The following COL6A5 variants were observed in gnomAD, a reference collection of about 807,000 sequenced individuals.
COL6A5 encodes the protein collagen alpha-5(VI) chain.
Under a neutral mutation model 65.6 loss-of-function variants are expected in COL6A5, and 48 were observed. That is an observed-to-expected ratio of 0.73 (90% confidence interval 0.58 to 0.93). The LOEUF (loss-of-function observed/expected upper bound fraction) is 0.93, where lower values mean the gene tolerates loss of function less well. Ranked by LOEUF, COL6A5 falls within the 40% of genes least tolerant of loss-of-function variation. The probability of loss-of-function intolerance (pLI) is 0.00; values close to 1 mark genes in which losing one functional copy is unlikely to be tolerated. For missense variants in COL6A5, 914 were observed against 928.3 expected, an observed-to-expected ratio of 0.98 and a Z score of 0.20; for synonymous variants, 291 against 322.8, an observed-to-expected ratio of 0.90 and a Z score of 1.05.
chr3:130,433,074 A>G lies in COL6A5; in HGVS notation c.487+1125A>G, dbSNP rs1238183337. ...CCATATAAAGAGAAAGAATCTCTCT[A>G]TAACATGGAGAGAATCAATCTGTTC... On this transcript the variant is annotated intron_variant, in intron 1 of 7. Transcript: ENST00000512836. 4.6e-5 allele frequency among the ~76,000 whole-genome samples: 7 copies of G among 152,306 alleles called. No individual in the cohort carries two copies. In the East Asian group the frequency reaches 1.2e-3, roughly 25 times the overall value.
At chr3:130,440,695 A>G (rs1437685581) in exon 3 of COL6A5, 43 of 1,613,570 alleles carry the variant, frequency 2.7e-5, no homozygotes, top group Non-Finnish European at 3.6e-5. Flanking sequence ...TGGGCTCTAC[A>G]CGTAAGGATG....
At chr3:130,455,047 G>C (rs1274395964) in intron 4 of COL6A5, among the ~76,000 whole-genome samples, 4 of 151,976 alleles carry the variant, frequency 2.6e-5, no homozygotes, top group Non-Finnish European at 5.9e-5. Flanking sequence ...GGCTGAGGTG[G>C]GAAGATTGCT....
chr3:130,354,601 GCTTGAGAAACA>G (rs551677979), intron 1 of COL6A5, among the ~76,000 whole-genome samples: 11 of 152,156 alleles, frequency 7.2e-5, no homozygotes, highest in Non-Finnish European at 1.3e-4. Context: ...GCACGTTAAA[GCTTGAGAAACA>G]CTTTCTTAAT....
At chr3:130,473,066 T>C (rs1006707928) in intron 7 of COL6A5, among the ~76,000 whole-genome samples, 3 of 150,876 alleles carry the variant, frequency 2.0e-5, no homozygotes, top group African/African-American at 7.3e-5. Flanking sequence ...ATAGATATAA[T>C]AAAATACAAA....
chr3:130,427,563 T>G (rs1937630759), upstream of COL6A5, among the ~76,000 whole-genome samples: 1 of 151,970 alleles, frequency 6.6e-6, no homozygotes, highest in African/African-American at 2.4e-5. Flanking sequence ...ATTTTAGGGG[T>G]AGAGGAATCT....
chr3:130,388,531 G>A, intron 5 of COL6A5, 49 bp from the exon 6 acceptor site: 1 of 1,409,430 alleles, frequency 7.1e-7, no homozygotes, highest in East Asian at 2.5e-5. Context: ...TACTTCATGA[G>A]AACCTTTCCA....
chr3:130,361,166 T>C (rs1935091770), intron 1 of COL6A5, among the ~76,000 whole-genome samples: 1 of 152,080 alleles, frequency 6.6e-6, no homozygotes, highest in African/African-American at 2.4e-5. Context: ...TTTTGGCAAA[T>C]GTATAATGAC....
chr3:130,471,849 T>C, intron 7 of COL6A5: 1 of 1,525,650 alleles, frequency 6.6e-7, no homozygotes, highest in East Asian at 2.5e-5. Flanking sequence ...ACTGAGAAAC[T>C]GGCAATGAAA....
At chr3:130,363,375 A>G (rs916661001) in intron 1 of COL6A5, among the ~76,000 whole-genome samples, 12 of 152,338 alleles carry the variant, frequency 7.9e-5, no homozygotes, top group African/African-American at 2.9e-4. Context: ...GAGAAGAAGC[A>G]TTCTATAGTT....
rs116719160 is a variant in COL6A5, at chr3:130,482,702, G to T, written c.2329-1333G>T. On this transcript the variant is annotated intron_variant, in intron 7 of 7. Transcript: ENST00000512836. ...GCATGCAATGTTTTTCCATTTATTT[G>T]TCTTCTCTCTTATTTCCTTGAGCAG... Among the ~76,000 whole-genome samples, 1,457 of 152,168 alleles carry T rather than the reference G, an allele frequency of 9.6e-3. 14 individuals carry two copies. Among genetic ancestry groups the T allele is most frequent in the South Asian group, 0.02 (96 of 4,816 alleles).
At chr3:130,396,625 C>T (rs1415073935) in intron 8 of COL6A5, among the ~76,000 whole-genome samples, 3 of 152,190 alleles carry the variant, frequency 2.0e-5, no homozygotes, top group Non-Finnish European at 2.9e-5. Context: ...TGACATCAGG[C>T]TCCTCTTTGA....
At chr3:130,476,849 A>AAATAAATGATG (rs1710112247) in intron 7 of COL6A5, 1 of 669,802 alleles carries the variant, frequency 1.5e-6, no homozygotes, top group Non-Finnish European at 2.7e-6. Flanking sequence ...ATACATCTAG[A>AAATAAATGATG]AATAAATGAT....
chr3:130,484,506 G>A (rs1343051867), exon 8 of COL6A5: 6 of 399,518 alleles, frequency 1.5e-5, no homozygotes, highest in South Asian at 1.3e-4. Context: ...CCATGTCATC[G>A]GTTCTGGGGT....
At chr3:130,473,845 G>T (rs1710022146) in intron 7 of COL6A5, among the ~76,000 whole-genome samples, 1 of 152,086 alleles carries the variant, frequency 6.6e-6, no homozygotes, top group Non-Finnish European at 1.5e-5. Flanking sequence ...CTCAGGGGCT[G>T]CCTTTGCTCA....
chr3:130,423,754 A>T (rs1479098296), intron 28 of COL6A5, 84 bp from the exon 29 acceptor site: 1 of 1,088,706 alleles, frequency 9.2e-7, no homozygotes, highest in South Asian at 1.7e-5. Flanking sequence ...TTTTTTTTAA[A>T]ATTAGAAAGT....
At position 130,379,796 on chromosome 3, in the gene COL6A5, C is replaced by T. The variant is rs142949552; in HGVS notation, c.1046C>T (p.Pro349Leu). 2.9e-3 allele frequency: 4,482 copies of T among 1,551,362 alleles called. 58 individuals are homozygous for T. The highest frequency in any genetic ancestry group is 0.024 in the South Asian group (2,000 of 84,046). ...ATTGCAGTTCTGGTCACCCACAGAC[C>T]ATCAGATGATGAGGTGCATGATGCT... The change falls in exon 4 of 42, where the codon CCA becomes CTA. Residue 349 changes from proline (P) to leucine (L), a missense_variant and NMD_transcript_variant. Pro to Leu is a moderately conservative substitution (Grantham distance 98). Coordinates refer to the COL6A5 transcript ENST00000312481.
chr3:130,470,754 C>A, intron 6 of COL6A5, 117 bp from the exon 39 acceptor site: 1 of 680,812 alleles, frequency 1.5e-6, no homozygotes, highest in African/African-American at 1.8e-5. Flanking sequence ...TTGTGAAGTC[C>A]GTTATAAAAG....
intron 1 of COL6A5, among the ~76,000 whole-genome samples, chr3:130,432,244 T>C (rs72984314): frequency 0.015 from 2,346 of 152,184 alleles, 60 homozygotes; most frequent in African/African-American, 0.054. Flanking sequence ...ATGCAGCTGT[T>C]GTCTCCATGT....
In COL6A5 at chr3:130,347,763, T is replaced by G. The variant is rs535894353; in HGVS notation, c.-29+1782T>G. ...AGCTCTGAGAGTGGAGGGCACAAAT[T>G]CACTTGGAATGTGTACTTTTCTTGG... On this transcript the variant is annotated intron_variant and NMD_transcript_variant, in intron 1 of 41. Coordinates refer to the COL6A5 transcript ENST00000312481. 3.3e-5 allele frequency among the ~76,000 whole-genome samples: 5 copies of G among 152,294 alleles called. No individual in the cohort carries two copies. The East Asian group carries it at 9.6e-4, about 29-fold the overall frequency.
Sources: gnomAD v4.1 joint callset for allele counts (sites outside exome capture counted in the v4.1 genomes callset) on GRCh38, gnomAD v4.1.1 for gene constraint, MANE v1.5 for transcripts, NCBI Gene and HGNC (gene_info 2026-07-23, HGNC 2026-07-21) for gene names.